Variants in ADAMTSL1 observed in about 807,000 individuals in gnomAD.
The protein encoded by ADAMTSL1 is ADAMTS like 1.
In ADAMTSL1, 126 loss-of-function variants were observed where a neutral mutation model predicts 201.8. The observed-to-expected ratio is 0.62, with a 90% confidence interval of 0.54 to 0.72. The LOEUF is 0.72. ADAMTSL1 is among the 30% of genes least tolerant of loss of function. The pLI, the probability that ADAMTSL1 is intolerant of heterozygous loss-of-function variation, is 0.00. For synonymous variants in ADAMTSL1, 1,121 were observed against 903.4 expected, an observed-to-expected ratio of 1.24 and a Z score of -4.32; for missense variants, 2,679 against 2,277.8, an observed-to-expected ratio of 1.18 and a Z score of -3.59.
chr9:18,552,056 G>C (rs1486925804), intron 3 of ADAMTSL1, among the ~76,000 whole-genome samples: 1 of 151,776 alleles, frequency 6.6e-6, no homozygotes, highest in Non-Finnish European at 1.5e-5. Flanking sequence ...ATCTTTTCAA[G>C]TAGCAGCCTT....
chr9:18,535,794 T>C (rs1435552059), intron 3 of ADAMTSL1, among the ~76,000 whole-genome samples: 1 of 152,176 alleles, frequency 6.6e-6, no homozygotes, highest in Non-Finnish European at 1.5e-5. Context: ...GAGAAGCCCC[T>C]TATAAAATCA....
chr9:18,668,230 G>GA (rs1056690816), intron 9 of ADAMTSL1, among the ~76,000 whole-genome samples: 1 of 151,982 alleles, frequency 6.6e-6, no homozygotes, highest in East Asian at 1.9e-4. Context: ...TAAACAATAA[G>GA]AAAAAAATAC....
At chr9:18,742,193 G>A (rs1460056757) in intron 15 of ADAMTSL1, among the ~76,000 whole-genome samples, 1 of 152,094 alleles carries the variant, frequency 6.6e-6, no homozygotes, top group Non-Finnish European at 1.5e-5. Context: ...CACATTCTGA[G>A]GTACTAGGAA....
Position 18,002,870 on chromosome 9 carries a change from T to G in ADAMTSL1, c.87+95948T>G, listed in dbSNP as rs144869624. Among the ~76,000 whole-genome samples the G allele has an allele frequency of 8.5e-5, 13 of 152,154 alleles. No homozygotes were observed. In the East Asian group the frequency reaches 2.5e-3, roughly 30 times the overall value. ...GCCAGATAACTAGCAAATGGCAGAA[T>G]TGGGCTAAAACCAAGATCCTTTGTA... On this transcript the variant is annotated intron_variant, in intron 1 of 29. Transcript: ENST00000680146.
chr9:17,992,942 G>GA (rs947099606), intron 1 of ADAMTSL1, among the ~76,000 whole-genome samples: 1 of 152,062 alleles, frequency 6.6e-6, no homozygotes, highest in African/African-American at 2.4e-5. Context: ...AAACTGAATG[G>GA]AAAATTGCAA....
At chr9:18,539,129 T>C (rs1383671404) in intron 3 of ADAMTSL1, among the ~76,000 whole-genome samples, 1 of 152,176 alleles carries the variant, frequency 6.6e-6, no homozygotes, top group South Asian at 2.1e-4. Flanking sequence ...AAATAAGGCA[T>C]GATGCTACTT....
intron 23 of ADAMTSL1, among the ~76,000 whole-genome samples, chr9:18,860,688 A>G (rs940439637): frequency 2.6e-4 from 39 of 152,156 alleles, no homozygotes; most frequent in Non-Finnish European, 1.3e-4. Flanking sequence ...CATAATTCAA[A>G]AATAAATTTT....
chr9:18,623,872 C>G (rs944704470), intron 5 of ADAMTSL1, among the ~76,000 whole-genome samples: 4 of 152,288 alleles, frequency 2.6e-5, no homozygotes, highest in Non-Finnish European at 5.9e-5. Flanking sequence ...AATATCTTTA[C>G]TGAATGTGTT....
chr9:18,538,922 G>GAAACAACA (rs1819960816), intron 3 of ADAMTSL1, among the ~76,000 whole-genome samples: 1 of 152,132 alleles, frequency 6.6e-6, no homozygotes. Context: ...AGAAACTGTT[G>GAAACAACA]AAACAACATT....
intron 16 of ADAMTSL1, among the ~76,000 whole-genome samples, chr9:18,769,860 A>G (rs1275522443): frequency 6.6e-6 from 1 of 152,224 alleles, no homozygotes; most frequent in Non-Finnish European, 1.5e-5. Flanking sequence ...TTTGCTCTGA[A>G]AAGGAAGGGA....
intron 1 of ADAMTSL1, among the ~76,000 whole-genome samples, chr9:18,153,763 G>A (rs1012553530): frequency 6.6e-6 from 1 of 151,994 alleles, no homozygotes; most frequent in Non-Finnish European, 1.5e-5. Flanking sequence ...ACCAAAACAT[G>A]TATAGAATAA....
intron 19 of ADAMTSL1, among the ~76,000 whole-genome samples, chr9:18,791,187 A>C (rs2133821729): frequency 6.6e-6 from 1 of 152,314 alleles, no homozygotes; most frequent in East Asian, 1.9e-4. Context: ...AACTGAAGCA[A>C]GCCTCCGTCT....
At chr9:18,091,582 A>G (rs1273020056) in intron 1 of ADAMTSL1, among the ~76,000 whole-genome samples, 1 of 152,182 alleles carries the variant, frequency 6.6e-6, no homozygotes, top group Non-Finnish European at 1.5e-5. Flanking sequence ...CATTAGAGTC[A>G]GTGACATTTG....
At chr9:17,951,073 G>A (rs1226579347) in intron 1 of ADAMTSL1, among the ~76,000 whole-genome samples, 1 of 152,136 alleles carries the variant, frequency 6.6e-6, no homozygotes, top group South Asian at 2.1e-4. Context: ...CAAACACCTT[G>A]ATGGCATTCT....
At chr9:18,303,298 C>T (rs1833775079) in intron 2 of ADAMTSL1, among the ~76,000 whole-genome samples, 1 of 152,062 alleles carries the variant, frequency 6.6e-6, no homozygotes, top group Non-Finnish European at 1.5e-5. Flanking sequence ...GATTGCCTAC[C>T]CTGAAGACCT....
At chr9:18,762,864 G>T (rs142361549) in intron 16 of ADAMTSL1, among the ~76,000 whole-genome samples, 1 of 152,286 alleles carries the variant, frequency 6.6e-6, no homozygotes, top group African/African-American at 2.4e-5. Context: ...GTACTCCATT[G>T]TGTATGTGTA....
intron 2 of ADAMTSL1, among the ~76,000 whole-genome samples, chr9:18,291,711 TC>T (rs1480915959): frequency 9.0e-5 from 12 of 133,324 alleles, no homozygotes; most frequent in African/African-American, 3.7e-4. Context: ...TCTCTCTCTC[TC>T]TCTTTCTCTC....
chr9:18,639,486 C>A, intron 7 of ADAMTSL1, 75 bp downstream of exon 7: 2 of 1,531,810 alleles, frequency 1.3e-6, no homozygotes, highest in Non-Finnish European at 1.8e-6. Flanking sequence ...GAGCAGAGAG[C>A]GATTTTTGGT....
chr9:18,426,212 C>T (rs759425779), intron 2 of ADAMTSL1, among the ~76,000 whole-genome samples: 3 of 152,056 alleles, frequency 2.0e-5, no homozygotes, highest in Non-Finnish European at 4.4e-5. Flanking sequence ...AGAATCCCTG[C>T]CTAGGGCCCA....
Sources: allele counts gnomAD v4.1 joint callset (sites outside exome capture counted in the v4.1 genomes callset), GRCh38; gene constraint gnomAD v4.1.1; transcripts MANE v1.5; gene names NCBI Gene and HGNC (gene_info 2026-07-23, HGNC 2026-07-21).